The following STAMBP variants were observed in gnomAD, a reference collection of about 807,000 sequenced individuals.
STAMBP encodes the protein STAM binding protein.
In STAMBP, 31 loss-of-function variants were observed where a neutral mutation model predicts 50.7. The ratio of observed to expected loss-of-function variants is 0.61; its 90% CI spans 0.46 to 0.83. The LOEUF is 0.83. Among genes scored for constraint, STAMBP ranks in the 40% least tolerant of loss-of-function variants. The pLI, the probability that STAMBP is intolerant of heterozygous loss-of-function variation, is 0.00. For synonymous variants in STAMBP, 211 were observed against 192.4 expected, an observed-to-expected ratio of 1.10 and a Z score of -0.80; for missense variants, 472 against 518.9, an observed-to-expected ratio of 0.91 and a Z score of 0.88.
At chr2:73,870,730 C>T (rs1573437874), downstream of STAMBP, among the ~76,000 whole-genome samples, 1 of 152,116 alleles carries the variant, frequency 6.6e-6, no homozygotes, top group Non-Finnish European at 1.5e-5. Context: ...CTCTTCACCC[C>T]ATTTTGCCTT....
chr2:73,844,739 G>A, intron 2 of STAMBP, 74 bp from the exon 3 acceptor site: 1 of 1,261,078 alleles, frequency 7.9e-7, no homozygotes, highest in Non-Finnish European at 1.1e-6. Context: ...TCAGGATAAG[G>A]GGGTTGCATA....
At chr2:73,844,549 C>A (rs748021681) in intron 2 of STAMBP, 17 of 244,720 alleles carry the variant, frequency 6.9e-5, no homozygotes, top group African/African-American at 1.1e-4. Flanking sequence ...ACAAGAAAGG[C>A]TTTTTAAAAT....
At chr2:73,854,184 G>A (rs145707230) in intron 7 of STAMBP, among the ~76,000 whole-genome samples, 27 of 152,308 alleles carry the variant, frequency 1.8e-4, no homozygotes, top group African/African-American at 6.0e-4. Flanking sequence ...TTGAATGAAC[G>A]GAAATGAAGA....
rs139293928 is a variant in STAMBP, at chr2:73,845,235, A to C, written c.348A>C (p.Lys116Asn). The change falls in exon 4 of 10, where the codon AAA becomes AAC. Residue 116 changes from lysine to asparagine, a missense_variant. Physicochemically the swap from Lys to Asn is moderately conservative, Grantham distance 94 (BLOSUM62 0). Transcript: ENST00000394070. ...CAGAGCTGTTAAAACGATATACCAA[A>C]GAATATACAGAATATAATGAAGAAA... ...LKAELLKRYT[K>N]EYTEYNEEKK... is the part of the protein sequence containing the mutation. The C allele has an allele frequency of 7.3e-5, 117 of 1,613,468 alleles. No homozygotes were observed. Among genetic ancestry groups the C allele is most frequent in the Non-Finnish European group, 9.2e-5 (109 of 1,179,566 alleles).
At chr2:73,858,665 A>G (rs996169562) in intron 7 of STAMBP, among the ~76,000 whole-genome samples, 4 of 152,146 alleles carry the variant, frequency 2.6e-5, no homozygotes, top group Admixed American at 2.0e-4. Flanking sequence ...AAGTCTCTTG[A>G]ACTTAAAAAA....
At chr2:73,871,437 A>T (rs1005119780), downstream of STAMBP, among the ~76,000 whole-genome samples, 29 of 151,794 alleles carry the variant, frequency 1.9e-4, no homozygotes, top group African/African-American at 6.8e-4. Context: ...AATCCCAGCT[A>T]CTCAGGAGGC....
rs145370772 is a variant in STAMBP, at chr2:73,840,025, T to G, written c.204-4788T>G. On this transcript the variant is annotated intron_variant, in intron 2 of 9. Transcript: ENST00000394070. ...ACTTCCTTAGCTGCTGTATCTAAAATTTCAACCATTCCCCTATCCCTTTCT... is the reference window on the plus strand; with the variant it reads ...ACTTCCTTAGCTGCTGTATCTAAAAGTTCAACCATTCCCCTATCCCTTTCT... 4.6e-5 allele frequency among the ~76,000 whole-genome samples: 7 copies of G among 152,328 alleles called. No individual in the cohort carries two copies. The East Asian group carries it at 1.3e-3, about 29-fold the overall frequency.
downstream of STAMBP, among the ~76,000 whole-genome samples, chr2:73,871,821 G>T (rs960381969): frequency 3.9e-5 from 6 of 152,266 alleles, no homozygotes; most frequent in Non-Finnish European, 8.8e-5. Context: ...AGGCTGGAGT[G>T]CAGTGGCGTG....
At chr2:73,843,257 G>A (rs934864166) in intron 2 of STAMBP, among the ~76,000 whole-genome samples, 1 of 147,356 alleles carries the variant, frequency 6.8e-6, no homozygotes, top group East Asian at 2.0e-4. Flanking sequence ...GAGTGCAGTG[G>A]TGTGATCAAA....
At chr2:73,870,340 TG>T (rs1452890756), downstream of STAMBP, 1 of 152,242 alleles carries the variant, frequency 6.6e-6, no homozygotes, top group Non-Finnish European at 1.5e-5. Context: ...CAGAGCTCTT[TG>T]GACAAAACGT....
intron 2 of STAMBP, among the ~76,000 whole-genome samples, chr2:73,844,074 T>A (rs867183578): frequency 6.6e-6 from 1 of 152,242 alleles, no homozygotes; most frequent in African/African-American, 2.4e-5. Flanking sequence ...ACTGGACTTT[T>A]ATTTATTTTC....
chr2:73,873,191 GGTT>G lies in STAMBP; in HGVS notation c.*46-157_*46-155del, dbSNP rs534756878. ...ACTGCATGCATTTTAAACAACTCTG[GGTT>G]GTTTTCTGCACTGACATTTTAATAA... On this transcript the variant is annotated intron_variant, in intron 10 of 10. Transcript: ENST00000409707. Among the ~76,000 whole-genome samples, 157 of 152,282 alleles carry G rather than the reference GGTT, an allele frequency of 1.0e-3. 1 individual carries two copies. The South Asian group carries it at 0.012, about 12-fold the overall frequency.
intron 7 of STAMBP, among the ~76,000 whole-genome samples, chr2:73,852,845 T>TTGTGTGTG (rs55727735): frequency 0.026 from 3,338 of 127,616 alleles, 123 homozygotes; most frequent in African/African-American, 0.067. Flanking sequence ...GCCTGGCTAA[T>TTGTGTGTG]TGTGTGTGTG....
chr2:73,846,871 C>T (rs151082213), intron 4 of STAMBP, among the ~76,000 whole-genome samples: 45 of 152,092 alleles, frequency 3.0e-4, no homozygotes, highest in African/African-American at 9.6e-4. Flanking sequence ...TGTTTGAGCC[C>T]AGGAGTTCAA....
chr2:73,853,605 C>G (rs894078900), intron 7 of STAMBP, among the ~76,000 whole-genome samples: 1 of 152,104 alleles, frequency 6.6e-6, no homozygotes, highest in Non-Finnish European at 1.5e-5. Flanking sequence ...GCCTGTAGTC[C>G]CAGCTACTCG....
At chr2:73,834,222 AAAAAAAAAAAAAAAAT>A (rs1446865437) in intron 2 of STAMBP, among the ~76,000 whole-genome samples, 7 of 26,936 alleles carry the variant, frequency 2.6e-4, no homozygotes, top group Non-Finnish European at 5.2e-4. Context: ...AAAAAAAAAA[AAAAAAAAAAAAAAAAT>A]ATATATATAT....
chr2:73,871,968 T>C (rs1004571725), downstream of STAMBP, among the ~76,000 whole-genome samples: 3 of 151,912 alleles, frequency 2.0e-5, no homozygotes, highest in African/African-American at 7.3e-5. Context: ...AGACGGGGTT[T>C]CACCATGTTG....
At chr2:73,848,266 C>G (rs977350263) in intron 5 of STAMBP, among the ~76,000 whole-genome samples, 1 of 152,048 alleles carries the variant, frequency 6.6e-6, no homozygotes, top group Admixed American at 6.6e-5. Flanking sequence ...GAAACTGGGT[C>G]CATTCTTGGC....
chr2:73,849,016 C>A (rs778080148), intron 5 of STAMBP, among the ~76,000 whole-genome samples: 45 of 152,082 alleles, frequency 3.0e-4, no homozygotes, highest in Non-Finnish European at 3.5e-4. Context: ...GTATCCATCC[C>A]CTCAAGTATT....
Sources: gnomAD v4.1 joint callset for allele counts (sites outside exome capture counted in the v4.1 genomes callset) on GRCh38, gnomAD v4.1.1 for gene constraint, MANE v1.5 for transcripts, NCBI Gene and HGNC (gene_info 2026-07-23, HGNC 2026-07-21) for gene names.